Variants in RASGRP4 observed in about 807,000 individuals in gnomAD.
The protein encoded by RASGRP4 is RAS guanyl-releasing protein 4.
A neutral mutation model predicts 84.4 loss-of-function variants in RASGRP4; 52 were observed. The observed-to-expected ratio is 0.62, with a 90% confidence interval of 0.49 to 0.78. The LOEUF (loss-of-function observed/expected upper bound fraction) is 0.78, where lower values mean the gene tolerates loss of function less well. Ranked by LOEUF, RASGRP4 falls within the 30% of genes least tolerant of loss-of-function variation. The pLI, the probability that RASGRP4 is intolerant of heterozygous loss-of-function variation, is 0.00. For missense variants in RASGRP4, 760 were observed against 886.9 expected (o/e 0.86, Z 1.82); for synonymous variants, 356 against 359.1 (o/e 0.99, Z 0.10).
chr19:38,421,132 G>T lies in RASGRP4; in HGVS notation c.277C>A (p.Leu93Met). The T allele has an allele frequency of 6.2e-7, 1 of 1,613,864 alleles. No homozygotes were observed. Among genetic ancestry groups the T allele is most frequent in the Non-Finnish European group, 8.5e-7 (1 of 1,179,838 alleles). The change falls in exon 3 of 17, where the codon CTG becomes ATG. Residue 93 changes from leucine (L) to methionine (M), a missense_variant. Leu to Met is a conservative substitution (Grantham distance 15). Coordinates refer to ENST00000615439, the MANE Select transcript of RASGRP4 (RefSeq NM_170604.3). ...NMVLAMHSWV[L>M]PSADLAARLL... Reference sequence around the variant, plus strand: ...CGGGCAGCCAGGTCGGCGGACGGCAGCACCCAGCTGTGCATGGCCAGCACC... The same window carrying T: ...CGGGCAGCCAGGTCGGCGGACGGCATCACCCAGCTGTGCATGGCCAGCACC...
chr19:38,420,566 G>A (rs1251276752), intron 4 of RASGRP4, among the ~76,000 whole-genome samples: 1 of 151,512 alleles, frequency 6.6e-6, no homozygotes, highest in Non-Finnish European at 1.5e-5. Flanking sequence ...TTCCGGGGGT[G>A]AAATTTTTGG....
intron 15 of RASGRP4, 48 bp downstream of exon 15, chr19:38,411,067 C>T (rs1449201457): frequency 6.2e-7 from 1 of 1,609,374 alleles, no homozygotes; most frequent in Admixed American, 1.7e-5. Context: ...TGGACTCAAC[C>T]CCTTTCCCCC....
Position 38,411,325 on chromosome 19 carries a change from C to A in RASGRP4, c.1717+20G>T, listed in dbSNP as rs1348539080. 6.2e-7 allele frequency: 1 copy of A among 1,608,070 alleles called. No individual in the cohort carries two copies. The highest frequency in any genetic ancestry group is 8.5e-7 in the Non-Finnish European group (1 of 1,177,272). On this transcript the variant is annotated intron_variant, in intron 14 of 16. Transcript: ENST00000615439. ...CCTGCGGGCCAAGGCTTCCCTCCCACTCACTGACACCCCACTCACCCCGAC... is the reference window on the plus strand; with the variant it reads ...CCTGCGGGCCAAGGCTTCCCTCCCAATCACTGACACCCCACTCACCCCGAC...
At chr19:38,425,176 T>A (rs1393195203) in intron 1 of RASGRP4, among the ~76,000 whole-genome samples, 1 of 130,132 alleles carries the variant, frequency 7.7e-6, no homozygotes, top group African/African-American at 2.9e-5. Flanking sequence ...AGAGCGAGAC[T>A]CCGTCTCAAA....
chr19:38,415,500 G>T (rs191094648), intron 8 of RASGRP4, among the ~76,000 whole-genome samples: 1 of 150,186 alleles, frequency 6.7e-6, no homozygotes, highest in East Asian at 2.0e-4. Flanking sequence ...AGCCTCCCAA[G>T]AAGCTGGGAT....
intron 1 of RASGRP4, among the ~76,000 whole-genome samples, chr19:38,423,778 A>G (rs1454462911): frequency 1.3e-5 from 2 of 152,134 alleles, no homozygotes; most frequent in South Asian, 2.1e-4. Context: ...CGGAGGTTGC[A>G]GTGAGCCGAG....
At chr19:38,422,237 G>C in intron 1 of RASGRP4, 84 bp from the exon 2 acceptor site, 1 of 1,307,970 alleles carries the variant, frequency 7.6e-7, no homozygotes, top group Non-Finnish European at 1.0e-6. Flanking sequence ...ATGCCCCAAG[G>C]CACCACGGGA....
At chr19:38,410,732 A>G (rs749988427) in intron 16 of RASGRP4, among the ~76,000 whole-genome samples, 154 bp downstream of exon 16, 7 of 152,068 alleles carry the variant, frequency 4.6e-5, no homozygotes, top group Non-Finnish European at 8.8e-5. Context: ...TATCAATATT[A>G]AAAAGTAACC....
Position 38,414,855 on chromosome 19 carries a change from A to C in RASGRP4, c.1223T>G (p.Leu408Arg). The stretch of plus-strand genomic sequence containing the variant: ...GGGGCCAGGGGGGCTCACCGTGAGC[A>C]GGTGCAGCAGATCCTCATTGGCGCT... ...PCSANEDLLH[L>R]LTLSLDLFYT... The change falls in exon 9 of 17, where the codon CTG becomes CGG. Residue 408 changes from leucine to arginine, a missense_variant. Transcript: ENST00000615439. 1 of 1,592,224 alleles carries C rather than the reference A, an allele frequency of 6.3e-7. No individual in the cohort carries two copies. The highest frequency in any genetic ancestry group is 1.1e-5 in the South Asian group (1 of 88,190).
chr19:38,416,028 C>T (rs1302112731), intron 8 of RASGRP4, among the ~76,000 whole-genome samples: 1 of 151,336 alleles, frequency 6.6e-6, no homozygotes, highest in Non-Finnish European at 1.5e-5. Flanking sequence ...CACTGTACTC[C>T]AGCCTGGGAG....
At position 38,421,011 on chromosome 19, in the gene RASGRP4, C is replaced by T. The variant is rs1309454468; in HGVS notation, c.315-41G>A. On this transcript the variant is annotated intron_variant, in intron 3 of 16. Transcript: ENST00000615439. ...GGCTCTGTTTTCCAGGATCCATGAC[C>T]TGCCTGCTCCCCATTCCCATTGCCC... The T allele has an allele frequency of 2.5e-6, 4 of 1,610,138 alleles. No individual in the cohort carries two copies. The South Asian group carries it at 4.4e-5, about 18-fold the overall frequency.
chr19:38,415,347 T>C (rs1239674837), intron 8 of RASGRP4, among the ~76,000 whole-genome samples: 2 of 151,950 alleles, frequency 1.3e-5, no homozygotes, highest in Non-Finnish European at 2.9e-5. Context: ...CTAAAATGAT[T>C]TCTTTTATCT....
At chr19:38,425,952 G>T (rs1971976240) in intron 1 of RASGRP4, 117 bp downstream of exon 1, 1 of 850,424 alleles carries the variant, frequency 1.2e-6, no homozygotes, top group African/African-American at 1.8e-5. Context: ...TGGCCCCCCT[G>T]CGCCTGATCC....
In RASGRP4 at chr19:38,413,578, C is replaced by G. The variant is rs565513784; in HGVS notation, c.1231-104G>C. ...CCAAAGCCCCTCCTGGGTTCAAATC[C>G]TGGCATTACTGCTGTGGGACAGTGG... On this transcript the variant is annotated intron_variant, in intron 9 of 16. Coordinates refer to ENST00000615439, the MANE Select transcript of RASGRP4 (RefSeq NM_170604.3). This position sits in a 1 kb window ranked among gnomAD's most constrained non-coding sequence, Gnocchi z 4.7. The G allele has an allele frequency of 2.2e-6, 2 of 922,558 alleles. No homozygotes were observed. The highest frequency in any genetic ancestry group is 1.7e-6 in the Non-Finnish European group (1 of 588,788). 57.1% of individuals were successfully genotyped at this position (922,558 alleles called of 1,614,324 possible). A position where few individuals can be genotyped will look rare whatever the true frequency, so the allele number is the denominator to read the frequency against.
chr19:38,410,188 C>G, intron 16 of RASGRP4, 92 bp from the exon 17 acceptor site: 3 of 960,510 alleles, frequency 3.1e-6, no homozygotes, highest in African/African-American at 1.6e-5. Context: ...CACTTCCCTG[C>G]CCAGACTGGT....
intron 16 of RASGRP4, among the ~76,000 whole-genome samples, chr19:38,410,331 C>T (rs1971178409): frequency 6.6e-6 from 1 of 151,974 alleles, no homozygotes. Flanking sequence ...TTCTTGCTAT[C>T]TTATTGGCTA....
intron 8 of RASGRP4, among the ~76,000 whole-genome samples, chr19:38,415,977 T>G (rs1568410777): frequency 6.6e-6 from 1 of 151,220 alleles, no homozygotes. Context: ...GCGAATCGCT[T>G]GAACCTGGGA....
rs1600542574 is a variant in RASGRP4, at chr19:38,410,972, G to A, written c.1879C>T (p.Leu627=). The A allele has an allele frequency of 6.2e-7, 1 of 1,601,716 alleles. No individual in the cohort carries two copies. Among genetic ancestry groups the A allele is most frequent in the African/African-American group, 1.3e-5 (1 of 74,706 alleles). The change falls in exon 16 of 17, where the codon CTA becomes TTA. Residue 627 remains leucine (L), a synonymous_variant. Coordinates refer to ENST00000615439, the MANE Select transcript of RASGRP4 (RefSeq NM_170604.3). ...CGSEENHSYT[L]SLEPETGCQL... is the part of the protein sequence containing the mutation. Reference sequence around the variant, plus strand: ...CACCCAGTCTCAGGCTCCAGGGATAGCGTGTAGGAGTGATTTTCCTCGGAG... The same window carrying A: ...CACCCAGTCTCAGGCTCCAGGGATAACGTGTAGGAGTGATTTTCCTCGGAG...
rs964002266 is a variant in RASGRP4, at chr19:38,423,607, T to C, written c.24-1454A>G. Among the ~76,000 whole-genome samples the C allele has an allele frequency of 5.9e-5, 9 of 151,728 alleles. No homozygotes were observed. The East Asian group carries it at 1.7e-3, about 29-fold the overall frequency. The stretch of plus-strand genomic sequence containing the variant: ...GTCCCAGCACTTTGGGAGGCTGAGG[T>C]GGGTGGATCACTTGAGGTCAGGAGT... On this transcript the variant is annotated intron_variant, in intron 1 of 16. Coordinates refer to ENST00000615439, the MANE Select transcript of RASGRP4 (RefSeq NM_170604.3).
Sources: gnomAD v4.1 joint callset for allele counts (sites outside exome capture counted in the v4.1 genomes callset) on GRCh38, gnomAD v4.1.1 for gene constraint, Gnocchi (gnomAD v3.1) non-coding constraint, MANE v1.5 for transcripts, NCBI Gene and HGNC (gene_info 2026-07-23, HGNC 2026-07-21) for gene names.